Variants in PCDHA2 observed in about 807,000 individuals in gnomAD.
PCDHA2 encodes the protein protocadherin alpha 2.
PCDHA2 carries 58 observed loss-of-function variants against 66.0 expected under a neutral mutation model. The ratio of observed to expected loss-of-function variants is 0.88; its 90% confidence interval spans 0.71 to 1.09. PCDHA2 has a LOEUF of 1.09. Ranked by LOEUF, PCDHA2 falls within the 50% of genes least tolerant of loss-of-function variation. The pLI, the probability that PCDHA2 is intolerant of heterozygous loss-of-function variation, is 0.00. For synonymous variants in PCDHA2, 634 were observed against 554.0 expected, an observed-to-expected ratio of 1.14 and a Z score of -2.03; for missense variants, 1,267 against 1,242.3, an observed-to-expected ratio of 1.02 and a Z score of -0.30.
In PCDHA2 at chr5:140,857,500, G is replaced by A; in HGVS notation, c.2388+60148G>A. On this transcript the variant is annotated intron_variant, in intron 1 of 3. Transcript: ENST00000526136. The stretch of plus-strand genomic sequence containing the variant: ...TGTCTGCGTGGGACGCGGACGCGCA[G>A]GAGAACGCCCTGGTGTCCTACTCTC... 1.3e-6 allele frequency: 2 copies of A among 1,598,362 alleles called. 1 individual carries two copies. Among genetic ancestry groups the A allele is most frequent in the Non-Finnish European group, 1.7e-6 (2 of 1,167,860 alleles).
chr5:140,856,991 T>TA lies in PCDHA2; in HGVS notation c.2388+59640dup, dbSNP rs781903903. ...TATTGACTTTGAGGACAGTAACACT[T>TA]ATGAAATTCATGTAGATGTTACAGA... On this transcript the variant is annotated intron_variant, in intron 1 of 3. Transcript: ENST00000526136. 5.6e-6 allele frequency: 9 copies of TA among 1,595,654 alleles called. No homozygotes were observed. The East Asian group carries it at 1.8e-4, about 32-fold the overall frequency.
At chr5:140,841,153 T>C in intron 1 of PCDHA2, 1 of 819,712 alleles carries the variant, frequency 1.2e-6, no homozygotes, top group East Asian at 2.7e-5. Flanking sequence ...TGTCGCTGTC[T>C]ACCAAGAAGT....
At chr5:140,807,260 G>A (rs782426458) in intron 1 of PCDHA2, 2 of 1,614,130 alleles carry the variant, frequency 1.2e-6, no homozygotes. Context: ...CGCAGCCTGG[G>A]AGGCAGGGAA....
At chr5:140,891,052 A>T (rs1554184638) in intron 1 of PCDHA2, among the ~76,000 whole-genome samples, 1 of 152,200 alleles carries the variant, frequency 6.6e-6, no homozygotes, top group Non-Finnish European at 1.5e-5. Flanking sequence ...CCCACAGCAC[A>T]TAGTAAATAT....
At chr5:140,834,515 C>T in intron 1 of PCDHA2, 1 of 1,614,100 alleles carries the variant, frequency 6.2e-7, no homozygotes, top group East Asian at 2.2e-5. Context: ...ATGGCAACTT[C>T]GTGGGCCGCA....
Position 140,796,848 on chromosome 5 carries a change from G to A in PCDHA2, c.1884G>A (p.Thr628=), listed in dbSNP as rs782130756. 6.2e-7 allele frequency: 1 copy of A among 1,614,088 alleles called. No individual in the cohort carries two copies. The highest frequency in any genetic ancestry group is 8.5e-7 in the Non-Finnish European group (1 of 1,179,984). ...ARIPFRVGLY[T]GEISTTRALD... is the part of the protein sequence containing the mutation. The stretch of plus-strand genomic sequence containing the variant: ...TCCCGTTCCGCGTGGGGCTATACAC[G>A]GGTGAGATCAGCACGACACGTGCCC... Residue 628 remains threonine (T), a synonymous_variant, in exon 1 of 4, where the codon ACG becomes ACA. Transcript: ENST00000526136.
At chr5:140,829,405 C>G (rs17853692) in intron 1 of PCDHA2, 14 of 1,614,152 alleles carry the variant, frequency 8.7e-6, no homozygotes, top group South Asian at 4.4e-5. Flanking sequence ...TGTGGGCCAC[C>G]GCCAGCTTGT....
intron 1 of PCDHA2, among the ~76,000 whole-genome samples, chr5:140,880,574 AGAGAG>A (rs2058389036): frequency 1.3e-5 from 2 of 152,226 alleles, no homozygotes; most frequent in African/African-American, 4.8e-5. Flanking sequence ...GAATTTGAGA[AGAGAG>A]GAAAGAGAAT....
chr5:140,998,275 A>G (rs1554256218), intron 3 of PCDHA2, among the ~76,000 whole-genome samples: 1 of 152,198 alleles, frequency 6.6e-6, no homozygotes, highest in African/African-American at 2.4e-5. Context: ...TGACACCCAT[A>G]GGATTAAATC....
chr5:140,871,561 T>C, intron 1 of PCDHA2: 1 of 1,485,946 alleles, frequency 6.7e-7, no homozygotes, highest in Non-Finnish European at 9.0e-7. Context: ...CAGTTTTTTT[T>C]CACGGATTTT....
Position 140,847,480 on chromosome 5 carries a change from A to T in PCDHA2, c.2388+50128A>T, listed in dbSNP as rs956174108. Reference sequence around the variant, plus strand: ...ATTAATCGACTTGGACGTTGGAATAAGATAGTAAAACTCACAACAAAACTT... The same window carrying T: ...ATTAATCGACTTGGACGTTGGAATATGATAGTAAAACTCACAACAAAACTT... On this transcript the variant is annotated intron_variant, in intron 1 of 3. Transcript: ENST00000526136. 2 of 149,954 alleles carry T rather than the reference A, an allele frequency of 1.3e-5. 1 individual carries two copies. The highest frequency in any genetic ancestry group is 3.0e-5 in the Non-Finnish European group (2 of 67,004). The allele number at this position is 149,954 out of a possible 1,614,324, so 9.3% of individuals were successfully genotyped here.
chr5:140,924,900 AAAAAAT>A (rs2082118159), intron 1 of PCDHA2, among the ~76,000 whole-genome samples: 2 of 63,328 alleles, frequency 3.2e-5, no homozygotes, highest in African/African-American at 5.4e-5. Flanking sequence ...GTCTCAAAAA[AAAAAAT>A]AAAATAAAAT....
At chr5:140,809,687 C>A in intron 1 of PCDHA2, 2 of 1,291,002 alleles carry the variant, frequency 1.5e-6, no homozygotes, top group Non-Finnish European at 2.1e-6. Context: ...CCTCTTTTTA[C>A]ATATCCATTT....
chr5:140,829,543 G>A (rs1581881467), intron 1 of PCDHA2: 4 of 1,612,982 alleles, frequency 2.5e-6, no homozygotes, highest in Non-Finnish European at 3.4e-6. Flanking sequence ...ACGCGGACGC[G>A]CAGGAGAACG....
intron 1 of PCDHA2, chr5:140,802,782 G>C: frequency 1.2e-6 from 2 of 1,613,298 alleles, no homozygotes; most frequent in Non-Finnish European, 1.7e-6. Flanking sequence ...CGAGGAGCTA[G>C]AGCTGCTGCA....
intron 1 of PCDHA2, chr5:140,851,152 C>G (rs1379835863): frequency 1.5e-6 from 2 of 1,304,948 alleles, no homozygotes; most frequent in African/African-American, 3.1e-5. Flanking sequence ...CATTGAATTT[C>G]TGATGCTATG....
chr5:140,797,546 T>C, intron 1 of PCDHA2, 194 bp downstream of exon 1: 1 of 750,700 alleles, frequency 1.3e-6, no homozygotes, highest in East Asian at 2.7e-5. Context: ...CATAACTGTT[T>C]TCTTATTTTT....
At chr5:140,843,342 A>G (rs2150357887) in intron 1 of PCDHA2, 1 of 1,596,056 alleles carries the variant, frequency 6.3e-7, no homozygotes, top group South Asian at 1.1e-5. Flanking sequence ...GAGAGCGGCC[A>G]GGCTCCAAAA....
At chr5:140,805,032 G>C (rs781952381) in intron 1 of PCDHA2, 14 of 1,582,658 alleles carry the variant, frequency 8.8e-6, no homozygotes, top group Non-Finnish European at 8.5e-6. Flanking sequence ...GAATATAATA[G>C]AGTCAGCCAA....
Sources: gnomAD v4.1 joint callset for allele counts (sites outside exome capture counted in the v4.1 genomes callset) on GRCh38, gnomAD v4.1.1 for gene constraint, MANE v1.5 for transcripts, NCBI Gene and HGNC (gene_info 2026-07-23, HGNC 2026-07-21) for gene names.